Variants in ITGA4 observed in about 807,000 individuals in gnomAD.
ITGA4 encodes the protein integrin alpha-4.
ITGA4 carries 63 observed loss-of-function variants against 133.6 expected under a neutral mutation model. That is an observed-to-expected ratio of 0.47 (90% CI 0.38 to 0.58). The LOEUF is 0.58. Among genes scored for constraint, ITGA4 ranks in the 20% least tolerant of loss-of-function variants. The pLI is 0.00. For synonymous variants in ITGA4, 483 were observed against 438.0 expected, an observed-to-expected ratio of 1.10 and a Z score of -1.28; for missense variants, 1,076 against 1,252.7, an observed-to-expected ratio of 0.86 and a Z score of 2.13.
intron 11 of ITGA4, among the ~76,000 whole-genome samples, chr2:181,494,424 T>C (rs1271044502): frequency 1.3e-5 from 2 of 152,106 alleles, no homozygotes; most frequent in Non-Finnish European, 2.9e-5. Flanking sequence ...CCAGGTGCCA[T>C]AGTGAGACCC....
At chr2:181,492,329 A>G (rs1313277261) in intron 10 of ITGA4, among the ~76,000 whole-genome samples, 1 of 152,226 alleles carries the variant, frequency 6.6e-6, no homozygotes, top group African/African-American at 2.4e-5. Context: ...AAAATTTTAC[A>G]TTGTTTAGCA....
intron 27 of ITGA4, among the ~76,000 whole-genome samples, 173 bp from the exon 28 acceptor site, chr2:181,535,259 A>T (rs4666787): frequency 7.2e-5 from 11 of 152,098 alleles, no homozygotes; most frequent in African/African-American, 2.7e-4. Flanking sequence ...TCTTTAACCC[A>T]GTATGTCCCC....
intron 4 of ITGA4, 21 bp from the exon 5 acceptor site, chr2:181,478,736 T>C (rs183247761): frequency 2.7e-6 from 3 of 1,110,044 alleles, no homozygotes; most frequent in Non-Finnish European, 3.9e-6. Context: ...AATTCTGAGT[T>C]GTTTTAATAT....
At chr2:181,503,310 C>G (rs978345670) in intron 15 of ITGA4, among the ~76,000 whole-genome samples, 2 of 152,032 alleles carry the variant, frequency 1.3e-5, no homozygotes, top group African/African-American at 4.8e-5. Context: ...CTTTTAATCA[C>G]AATTCTTTAG....
intron 9 of ITGA4, 91 bp from the exon 10 acceptor site, chr2:181,485,787 CATT>C (rs1685901120): frequency 1.9e-6 from 2 of 1,035,018 alleles, no homozygotes; most frequent in Non-Finnish European, 2.9e-6. Flanking sequence ...TTGTTTGACA[CATT>C]AGAAAAAATC....
intron 24 of ITGA4, 52 bp downstream of exon 24, chr2:181,530,701 G>T: frequency 6.4e-7 from 1 of 1,555,824 alleles, no homozygotes; most frequent in Non-Finnish European, 8.8e-7. Context: ...AGAGAAGTGA[G>T]ACACTTAAAA....
chr2:181,480,817 T>C (rs924902745), intron 6 of ITGA4, among the ~76,000 whole-genome samples: 2 of 152,160 alleles, frequency 1.3e-5, no homozygotes, highest in Non-Finnish European at 2.9e-5. Flanking sequence ...CTTAACTATT[T>C]TTATCATCTT....
chr2:181,538,271 A>AACTT lies in ITGA4; in HGVS notation c.*2746_*2749dup, dbSNP rs1559066059. 6 of 1,432,906 alleles carry AACTT rather than the reference A, an allele frequency of 4.2e-6. No homozygotes were observed. Among genetic ancestry groups the AACTT allele is most frequent in the East Asian group, 4.6e-5 (2 of 43,930 alleles). 88.8% of individuals were successfully genotyped at this position (1,432,906 alleles called of 1,614,324 possible). A position where few individuals can be genotyped will look rare whatever the true frequency, so the allele number is the denominator to read the frequency against. On this transcript the variant is annotated 3_prime_UTR_variant, in exon 28 of 28. Coordinates refer to ENST00000397033, the MANE Select transcript of ITGA4 (RefSeq NM_000885.6). ...TGTAAAGAAAATACATTATTTCATC[A>AACTT]ACTTATTTTGTTGTTTTTCACATAC...
At chr2:181,498,438 T>A in intron 14 of ITGA4, 185 bp from the exon 15 acceptor site, 1 of 361,712 alleles carries the variant, frequency 2.8e-6, no homozygotes, top group Non-Finnish European at 4.9e-6. Context: ...AAGCAATTTT[T>A]AAAATTTGTA....
intron 16 of ITGA4, chr2:181,510,018 A>T: frequency 4.9e-6 from 2 of 406,624 alleles, no homozygotes; most frequent in Admixed American, 8.2e-5. Context: ...TAATCACAAC[A>T]GTAGATTCTC....
rs373796581 is a variant in ITGA4 at position 181,488,718 on chromosome 2, C to T, written c.1153+2726C>T. Among the ~76,000 whole-genome samples the T allele has an allele frequency of 2.1e-4, 32 of 152,046 alleles. 1 individual carries two copies. In the East Asian group the frequency reaches 5.0e-3, roughly 24 times the overall value. On this transcript the variant is annotated intron_variant, in intron 10 of 27. Transcript: ENST00000397033. The stretch of plus-strand genomic sequence containing the variant: ...GGACTACAGGCACCCGCCACCACCC[C>T]AGCTAATTTTTTTGTGTTTTTAGTA...
At chr2:181,524,128 T>C (rs762217968) in intron 19 of ITGA4, 43 bp from the exon 20 acceptor site, 1 of 1,295,388 alleles carries the variant, frequency 7.7e-7, no homozygotes, top group Admixed American at 2.1e-5. Context: ...AAAAATGTAC[T>C]TAAGATTTTT....
rs200101934 is a variant in ITGA4, at chr2:181,457,451, C to T, written c.-204C>T. ...AACCGGGAGTGGGGCCGGGCGAGTG[C>T]GCGGCATCCCAGGCCGGCCCGAACG... On this transcript the variant is annotated 5_prime_UTR_variant, in exon 1 of 28. Coordinates refer to ENST00000397033, the MANE Select transcript of ITGA4 (RefSeq NM_000885.6). The T allele has an allele frequency of 5.0e-3, 2,657 of 536,078 alleles. 17 individuals are homozygous for T. Among genetic ancestry groups the T allele is most frequent in the Non-Finnish European group, 6.7e-3 (2,050 of 306,070 alleles). 33.2% of individuals were successfully genotyped at this position (536,078 alleles called of 1,614,324 possible).
At chr2:181,532,999 A>G (rs1316757085) in intron 25 of ITGA4, among the ~76,000 whole-genome samples, 1 of 152,228 alleles carries the variant, frequency 6.6e-6, no homozygotes, top group African/African-American at 2.4e-5. Context: ...AGCTAAGAAG[A>G]AAAACTAAGG....
At chr2:181,488,954 G>A (rs1272799459) in intron 10 of ITGA4, among the ~76,000 whole-genome samples, 2 of 152,204 alleles carry the variant, frequency 1.3e-5, no homozygotes, top group African/African-American at 2.4e-5. Context: ...AACAGGGCCA[G>A]TGTGTCCTAG....
At position 181,509,163 on chromosome 2, in the gene ITGA4, A is replaced by T. The variant is rs369325357; in HGVS notation, c.1696-495A>T. On this transcript the variant is annotated intron_variant, in intron 15 of 27. Coordinates refer to ENST00000397033, the MANE Select transcript of ITGA4 (RefSeq NM_000885.6). ...AAAAAAAAAAAAAAAAAAAAAAAAA[A>T]AAAAAAAAAAAAAAAAAAACTAAAA... Among the ~76,000 whole-genome samples, 75 of 100,416 alleles carry T rather than the reference A, an allele frequency of 7.5e-4. 1 individual carries two copies. Among genetic ancestry groups the T allele is most frequent in the African/African-American group, 2.5e-3 (68 of 27,390 alleles). The allele number at this position is 100,416 out of a possible 152,430, so 65.9% of individuals were successfully genotyped here. A position where few individuals can be genotyped will look rare whatever the true frequency, so the allele number is the denominator to read the frequency against.
chr2:181,469,350 CT>C (rs1274666022), intron 2 of ITGA4, among the ~76,000 whole-genome samples: 2 of 152,100 alleles, frequency 1.3e-5, no homozygotes, highest in African/African-American at 4.8e-5. Flanking sequence ...TCCAGGATGG[CT>C]TTGAATGCTG....
At chr2:181,482,785 A>T in intron 9 of ITGA4, 134 bp downstream of exon 9, 1 of 723,242 alleles carries the variant, frequency 1.4e-6, no homozygotes, top group Non-Finnish European at 2.3e-6. Context: ...TACTGTACTG[A>T]TGCTCTAAAA....
chr2:181,512,860 G>T (rs1028244755), intron 17 of ITGA4, among the ~76,000 whole-genome samples: 1 of 152,006 alleles, frequency 6.6e-6, no homozygotes, highest in South Asian at 2.1e-4. Context: ...TTCAAGTGAG[G>T]TATTTTTATG....
Sources: gnomAD v4.1 joint callset for allele counts (sites outside exome capture counted in the v4.1 genomes callset) on GRCh38, gnomAD v4.1.1 for gene constraint, MANE v1.5 for transcripts, NCBI Gene and HGNC (gene_info 2026-07-23, HGNC 2026-07-21) for gene names.